ATP8A1: variants seen among roughly 807,000 people sequenced by gnomAD.
ATP8A1 encodes phospholipid-transporting ATPase IA.
Under a neutral mutation model 177.7 loss-of-function variants are expected in ATP8A1, and 90 were observed. The ratio of observed to expected loss-of-function variants is 0.51; its 90% CI spans 0.43 to 0.60. The LOEUF is 0.60. ATP8A1 is among the 20% of genes least tolerant of loss of function. The pLI is 0.00. For missense variants in ATP8A1, 1,072 were observed against 1,392.8 expected (o/e 0.77, Z 3.67); for synonymous variants, 493 against 485.9 (o/e 1.01, Z -0.19).
chr4:42,500,821 A>T (rs959680634), intron 24 of ATP8A1, among the ~76,000 whole-genome samples: 1 of 152,172 alleles, frequency 6.6e-6, no homozygotes, highest in Admixed American at 6.6e-5. Context: ...GGTCTTATGT[A>T]TTTATTTAAA....
intron 5 of ATP8A1, among the ~76,000 whole-genome samples, chr4:42,610,283 A>C (rs1736239499): frequency 6.6e-6 from 1 of 152,126 alleles, no homozygotes; most frequent in Non-Finnish European, 1.5e-5. Flanking sequence ...CTACACAAGA[A>C]AGATGTTCAA....
chr4:42,526,931 GGA>G (rs1364209586), intron 20 of ATP8A1, among the ~76,000 whole-genome samples: 1 of 151,832 alleles, frequency 6.6e-6, no homozygotes, highest in African/African-American at 2.4e-5. Flanking sequence ...GGCATAAACT[GGA>G]GAGTTATGTA....
At chr4:42,577,490 T>C (rs1732591248) in intron 12 of ATP8A1, among the ~76,000 whole-genome samples, 1 of 152,112 alleles carries the variant, frequency 6.6e-6, no homozygotes, top group Non-Finnish European at 1.5e-5. Context: ...TTGAAAGACT[T>C]TACAATGATT....
chr4:42,587,456 T>C (rs1733735907), intron 8 of ATP8A1, among the ~76,000 whole-genome samples: 1 of 150,696 alleles, frequency 6.6e-6, no homozygotes, highest in Non-Finnish European at 1.5e-5. Context: ...TACAGGCACA[T>C]GCCACCATGT....
chr4:42,525,422 A>G (rs543514881), intron 20 of ATP8A1, among the ~76,000 whole-genome samples: 74 of 152,158 alleles, frequency 4.9e-4, no homozygotes, highest in Non-Finnish European at 9.6e-4. Context: ...ATACAGGACT[A>G]AATCCACTGA....
intron 20 of ATP8A1, among the ~76,000 whole-genome samples, chr4:42,542,998 A>G (rs569559237): frequency 6.6e-6 from 1 of 152,298 alleles, no homozygotes; most frequent in Admixed American, 6.5e-5. Flanking sequence ...TGATGGTAGA[A>G]TGCATACAAT....
At chr4:42,454,842 A>G (rs1187870051) in intron 29 of ATP8A1, among the ~76,000 whole-genome samples, 1 of 152,168 alleles carries the variant, frequency 6.6e-6, no homozygotes, top group Non-Finnish European at 1.5e-5. Context: ...TCTAATGAGG[A>G]CAAAGTTATT....
intron 20 of ATP8A1, among the ~76,000 whole-genome samples, chr4:42,528,048 G>T (rs1411337790): frequency 6.6e-6 from 1 of 152,156 alleles, no homozygotes; most frequent in African/African-American, 2.4e-5. Context: ...GATTCCAGGG[G>T]ACCCAAAATG....
At chr4:42,592,849 T>C (rs1734326702) in intron 6 of ATP8A1, among the ~76,000 whole-genome samples, 2 of 152,128 alleles carry the variant, frequency 1.3e-5, no homozygotes, top group Admixed American at 1.3e-4. Context: ...TTCTGCTCCA[T>C]TATAATCTTA....
intron 9 of ATP8A1, among the ~76,000 whole-genome samples, chr4:42,584,621 G>A (rs1055711607): frequency 6.6e-5 from 10 of 152,110 alleles, no homozygotes; most frequent in African/African-American, 2.4e-4. Flanking sequence ...TAGTGCCTTT[G>A]CCTTTCCCAA....
chr4:42,592,701 C>A (rs1734310028), intron 6 of ATP8A1, among the ~76,000 whole-genome samples: 1 of 152,056 alleles, frequency 6.6e-6, no homozygotes, highest in African/African-American at 2.4e-5. Flanking sequence ...GGTACCTATA[C>A]AAACCTAGAT....
At chr4:42,480,665 C>T (rs933327557) in intron 25 of ATP8A1, among the ~76,000 whole-genome samples, 5 of 152,142 alleles carry the variant, frequency 3.3e-5, no homozygotes, top group African/African-American at 1.2e-4. Flanking sequence ...TGCACTCATG[C>T]TATGACAGCA....
intron 35 of ATP8A1, among the ~76,000 whole-genome samples, chr4:42,420,893 C>T (rs778930997): frequency 1.6e-4 from 24 of 151,838 alleles, no homozygotes; most frequent in Non-Finnish European, 2.9e-4. Flanking sequence ...CTCAGCCTCC[C>T]GAGTAGCTGG....
chr4:42,633,448 C>T (rs1338694080), intron 1 of ATP8A1, among the ~76,000 whole-genome samples: 1 of 152,114 alleles, frequency 6.6e-6, no homozygotes, highest in Non-Finnish European at 1.5e-5. Flanking sequence ...ATTCAACATA[C>T]TTAAGAATCT....
At position 42,515,228 on chromosome 4, in the gene ATP8A1, T is replaced by G. The variant is rs575693343; in HGVS notation, c.1947+6932A>C. 2.3e-4 allele frequency among the ~76,000 whole-genome samples: 35 copies of G among 152,300 alleles called. No individual in the cohort carries two copies. In the South Asian group the frequency reaches 7.2e-3, roughly 32 times the overall value. ...TTAAGCAAATAGAACAGGAAACTAC[T>G]GGAATTTTAAACCACGAAATCACCC... On this transcript the variant is annotated intron_variant, in intron 22 of 36. Transcript: ENST00000381668.
At chr4:42,422,922 A>T in intron 34 of ATP8A1, 23 bp from the exon 35 acceptor site, 1 of 1,568,834 alleles carries the variant, frequency 6.4e-7, no homozygotes, top group Non-Finnish European at 8.7e-7. Context: ...AAAAAAAGGG[A>T]TTTGCATGGA....
At chr4:42,587,619 T>TC (rs1241950302) in intron 8 of ATP8A1, among the ~76,000 whole-genome samples, 5 of 149,644 alleles carry the variant, frequency 3.3e-5, no homozygotes, top group Admixed American at 3.3e-4. Context: ...AGCTTTTTTT[T>TC]TTTTTGAGAC....
chr4:42,475,168 G>A (rs79110353), intron 25 of ATP8A1, among the ~76,000 whole-genome samples: 3,834 of 152,202 alleles, frequency 0.025, 85 homozygotes, highest in Non-Finnish European at 0.038. Context: ...TTCAGACACA[G>A]CATTCTTTTA....
At chr4:42,438,448 C>T (rs972957396) in intron 33 of ATP8A1, among the ~76,000 whole-genome samples, 1 of 151,780 alleles carries the variant, frequency 6.6e-6, no homozygotes. Context: ...TTTTTTTTAA[C>T]AAAATGGGTA....
Sources: gnomAD v4.1 joint callset for allele counts (sites outside exome capture counted in the v4.1 genomes callset) on GRCh38, gnomAD v4.1.1 for gene constraint, MANE v1.5 for transcripts, NCBI Gene and HGNC (gene_info 2026-07-23, HGNC 2026-07-21) for gene names.